The following MYO1E variants were observed in gnomAD, a reference collection of about 807,000 sequenced individuals.
The protein encoded by MYO1E is unconventional myosin-Ie.
Under a neutral mutation model 151.1 loss-of-function variants are expected in MYO1E, and 68 were observed. The ratio of observed to expected loss-of-function variants is 0.45; its 90% confidence interval spans 0.37 to 0.55. MYO1E has a LOEUF of 0.55. Among genes scored for constraint, MYO1E ranks in the 20% least tolerant of loss-of-function variants. The probability of loss-of-function intolerance (pLI) is 0.00; values close to 1 mark genes in which losing one functional copy is unlikely to be tolerated. For missense variants in MYO1E, 1,363 were observed against 1,389.3 expected (o/e 0.98, Z 0.30); for synonymous variants, 601 against 501.7 (o/e 1.20, Z -2.64).
At chr15:59,141,039 T>C (rs180850578) in intron 26 of MYO1E, among the ~76,000 whole-genome samples, 1 of 152,320 alleles carries the variant, frequency 6.6e-6, no homozygotes, top group Admixed American at 6.5e-5. Flanking sequence ...CGAGCAGGTT[T>C]TTAATTAAGC....
intron 1 of MYO1E, among the ~76,000 whole-genome samples, chr15:59,324,673 C>G (rs868843780): frequency 2.5e-4 from 37 of 147,030 alleles, no homozygotes; most frequent in Admixed American, 1.6e-3. Flanking sequence ...GCCCCCCCCC[C>G]ACAGAGGGCA....
chr15:59,153,693 C>T lies in MYO1E; in HGVS notation c.2977G>A (p.Ala993Thr), dbSNP rs1233777161. The part of the protein sequence containing the change: ...SNQKSLYTSM[A>T]RPPLPRQQST... ...TGCTGCCGAGGCAAGGGCGGGCGGGCCATGGAGGTGTACAGGCTTTTCTGA... is the reference window on the plus strand; with the variant it reads ...TGCTGCCGAGGCAAGGGCGGGCGGGTCATGGAGGTGTACAGGCTTTTCTGA... The change falls in exon 26 of 28, where the codon GCC (alanine) becomes ACC (threonine). Residue 993 changes from alanine to threonine, a missense_variant. Coordinates refer to ENST00000288235, the MANE Select transcript of MYO1E (RefSeq NM_004998.4). The T allele has an allele frequency of 6.2e-7, 1 of 1,614,018 alleles. No homozygotes were observed. The highest frequency in any genetic ancestry group is 8.5e-7 in the Non-Finnish European group (1 of 1,180,038).
intron 1 of MYO1E, among the ~76,000 whole-genome samples, chr15:59,362,502 T>C (rs2080891261): frequency 6.6e-6 from 1 of 152,244 alleles, no homozygotes; most frequent in African/African-American, 2.4e-5. Flanking sequence ...ATCCAAATGT[T>C]AGGAATCTCT....
chr15:59,364,691 G>A (rs558142765), intron 1 of MYO1E, among the ~76,000 whole-genome samples: 35 of 152,216 alleles, frequency 2.3e-4, no homozygotes, highest in Middle Eastern at 3.4e-3. Flanking sequence ...GGTCACTTGA[G>A]GCCAGGAGTT....
chr15:59,279,778 T>C (rs1380526017), intron 1 of MYO1E, among the ~76,000 whole-genome samples: 5 of 152,234 alleles, frequency 3.3e-5, no homozygotes, highest in African/African-American at 1.2e-4. Context: ...AAAAGGTTTG[T>C]TGAAAATAAC....
At chr15:59,148,619 G>A (rs1368203350) in intron 26 of MYO1E, among the ~76,000 whole-genome samples, 1 of 152,204 alleles carries the variant, frequency 6.6e-6, no homozygotes, top group Non-Finnish European at 1.5e-5. Context: ...TATGGCTGCT[G>A]CTCCCATAGA....
chr15:59,178,142 C>G (rs1314155976), intron 19 of MYO1E, among the ~76,000 whole-genome samples: 1 of 152,210 alleles, frequency 6.6e-6, no homozygotes, highest in Non-Finnish European at 1.5e-5. Flanking sequence ...GAGGAAGGAG[C>G]CACTCTCTGA....
At chr15:59,312,798 A>G (rs113054405) in intron 1 of MYO1E, among the ~76,000 whole-genome samples, 10 of 152,316 alleles carry the variant, frequency 6.6e-5, no homozygotes, top group African/African-American at 2.4e-4. Context: ...AGGCAGGTAG[A>G]TCATGAGGTC....
At chr15:59,338,257 T>C (rs1567018803) in intron 1 of MYO1E, among the ~76,000 whole-genome samples, 1 of 150,188 alleles carries the variant, frequency 6.7e-6, no homozygotes, top group African/African-American at 2.4e-5. Context: ...TTTTTTATAA[T>C]AGCTATATAA....
rs201495758 is a variant in MYO1E, at chr15:59,171,990, C to T, written c.2387G>A (p.Arg796Gln). 9.3e-6 allele frequency: 15 copies of T among 1,614,052 alleles called. No individual in the cohort carries two copies. The highest frequency in any genetic ancestry group is 4.5e-5 in the East Asian group (2 of 44,898). The change falls in exon 22 of 28, where the codon CGA becomes CAA. Residue 796 changes from arginine (R) to glutamine (Q), a missense_variant. Physicochemically the swap from Arg to Gln is conservative, Grantham distance 43. Coordinates refer to ENST00000288235, the MANE Select transcript of MYO1E (RefSeq NM_004998.4). ...GTCTGGGCCCTGTTTGACTTTTTCT[C>T]GTCCGATTAAGTACAAGCACTTTGG... ...LTPKCLYLIG[R>Q]EKVKQGPDKG...
At chr15:59,163,795 C>T (rs1332446064) in intron 22 of MYO1E, among the ~76,000 whole-genome samples, 1 of 152,202 alleles carries the variant, frequency 6.6e-6, no homozygotes, top group African/African-American at 2.4e-5. Flanking sequence ...ATATCCTGGA[C>T]TTCAAGGTAC....
intron 1 of MYO1E, among the ~76,000 whole-genome samples, chr15:59,298,628 C>G (rs764026399): frequency 1.3e-4 from 20 of 152,220 alleles, no homozygotes; most frequent in Admixed American, 8.5e-4. Flanking sequence ...TGTTCCCCCT[C>G]TCTTCCTTGA....
chr15:59,215,069 C>T (rs1338890386), intron 10 of MYO1E, among the ~76,000 whole-genome samples: 1 of 152,150 alleles, frequency 6.6e-6, no homozygotes, highest in East Asian at 1.9e-4. Context: ...ACACAAAGAA[C>T]CCACACTAAA....
At chr15:59,368,392 C>T (rs561731119) in intron 1 of MYO1E, among the ~76,000 whole-genome samples, 1 of 151,870 alleles carries the variant, frequency 6.6e-6, no homozygotes, top group Non-Finnish European at 1.5e-5. Flanking sequence ...AGGAGGATCA[C>T]GAGGTCAGGA....
intron 12 of MYO1E, among the ~76,000 whole-genome samples, chr15:59,211,961 C>T (rs1462246959): frequency 5.9e-5 from 9 of 152,026 alleles, no homozygotes; most frequent in African/African-American, 1.9e-4. Context: ...GTCTATAGAG[C>T]CAGAGTGACC....
At chr15:59,357,165 C>T (rs1312586880) in intron 1 of MYO1E, among the ~76,000 whole-genome samples, 3 of 151,744 alleles carry the variant, frequency 2.0e-5, no homozygotes, top group Non-Finnish European at 4.4e-5. Context: ...CTCAGCCTCT[C>T]AAAGTGCTGG....
chr15:59,272,033 C>T (rs532021123), intron 2 of MYO1E, among the ~76,000 whole-genome samples: 9 of 152,350 alleles, frequency 5.9e-5, no homozygotes, highest in African/African-American at 2.2e-4. Flanking sequence ...CATTCTGAAA[C>T]GGTGAAAACA....
At chr15:59,143,613 C>A (rs1566963097) in intron 26 of MYO1E, among the ~76,000 whole-genome samples, 1 of 152,278 alleles carries the variant, frequency 6.6e-6, no homozygotes, top group East Asian at 1.9e-4. Context: ...GGATAAACTC[C>A]CCTCAACTCA....
chr15:59,215,718 T>A (rs1219824858), intron 10 of MYO1E, among the ~76,000 whole-genome samples: 1 of 152,078 alleles, frequency 6.6e-6, no homozygotes, highest in African/African-American at 2.4e-5. Flanking sequence ...GCCCAGTAAA[T>A]CCCACCTCAA....
Sources: gnomAD v4.1 joint callset for allele counts (sites outside exome capture counted in the v4.1 genomes callset) on GRCh38, gnomAD v4.1.1 for gene constraint, MANE v1.5 for transcripts, NCBI Gene and HGNC (gene_info 2026-07-23, HGNC 2026-07-21) for gene names.